Variants in INSR observed in about 807,000 individuals in gnomAD.
INSR encodes IR.
Under a neutral mutation model 142.6 loss-of-function variants are expected in INSR, and 67 were observed. The observed-to-expected ratio is 0.47, with a 90% CI of 0.39 to 0.58. INSR has a LOEUF of 0.58. INSR is among the 20% of genes least tolerant of loss of function. The probability of loss-of-function intolerance (pLI) is 0.00; values close to 1 mark genes in which losing one functional copy is unlikely to be tolerated. For synonymous variants in INSR, 756 were observed against 743.1 expected (o/e 1.02, Z -0.28); for missense variants, 1,248 against 1,833.2 (o/e 0.68, Z 5.83).
chr19:7,197,516 G>GTGGGGGTGTGTGTGTGTGTGTGTGTGT (rs1568480264), intron 2 of INSR, among the ~76,000 whole-genome samples: 5 of 70,924 alleles, frequency 7.0e-5, no homozygotes, highest in African/African-American at 2.4e-4. Context: ...TGGGAGTGGG[G>GTGGGGGTGTGTGTGTGTGTGTGTGTGT]GTGTGTGTGT....
chr19:7,128,736 C>T (rs761037481), intron 15 of INSR, 116 bp downstream of exon 15: 5 of 720,314 alleles, frequency 6.9e-6, no homozygotes, highest in African/African-American at 3.5e-5. Context: ...GCATGTTACA[C>T]ATCCTATATC....
chr19:7,184,807 CCA>C (rs1473477434), intron 2 of INSR, among the ~76,000 whole-genome samples, 170 bp from the exon 3 acceptor site: 1 of 122,636 alleles, frequency 8.2e-6, no homozygotes. Context: ...ACATCATTAC[CCA>C]CATGTCAGAC....
chr19:7,220,309 G>C (rs1443421042), intron 2 of INSR, among the ~76,000 whole-genome samples: 1 of 152,074 alleles, frequency 6.6e-6, no homozygotes, highest in Non-Finnish European at 1.5e-5. Flanking sequence ...TTTTATTTTT[G>C]AGATGGAGTC....
chr19:7,212,699 C>G (rs1975312638), intron 2 of INSR, among the ~76,000 whole-genome samples: 1 of 152,038 alleles, frequency 6.6e-6, no homozygotes. Context: ...GATTCTCCTG[C>G]CTCAGCCTCC....
chr19:7,238,810 A>G (rs376604237), intron 2 of INSR, among the ~76,000 whole-genome samples: 3 of 151,886 alleles, frequency 2.0e-5, no homozygotes, highest in African/African-American at 7.2e-5. Flanking sequence ...AATGGGCCCC[A>G]TGCTTCAATC....
At chr19:7,268,345 C>T (rs1048615482) in intron 1 of INSR, 5 of 774,368 alleles carry the variant, frequency 6.5e-6, no homozygotes, top group Non-Finnish European at 7.8e-6. Flanking sequence ...AATCCTCCCA[C>T]CTCGCTGGCT....
At chr19:7,271,473 C>A (rs528899307) in intron 1 of INSR, among the ~76,000 whole-genome samples, 1 of 151,974 alleles carries the variant, frequency 6.6e-6, no homozygotes, top group Non-Finnish European at 1.5e-5. Flanking sequence ...CCAGCCTGGG[C>A]GACAGAGCGA....
Position 7,184,523 on chromosome 19 carries a change from C to A in INSR, c.767G>T (p.Arg256Leu). 1.2e-6 allele frequency: 2 copies of A among 1,613,928 alleles called. No individual in the cohort carries two copies. Among genetic ancestry groups the A allele is most frequent in the Non-Finnish European group, 1.7e-6 (2 of 1,179,994 alleles). ...ACACCTGCCGTCCAGGTAGAAGTTG[C>A]GGCAGGCCACGCACTTGGTGGGGTC... is the stretch of plus-strand genomic sequence containing the variant. ...PDDPTKCVACRNFYLDGRCVE... is the reference protein window; with the variant it reads ...PDDPTKCVACLNFYLDGRCVE... Residue 256 changes from arginine to leucine, a missense_variant, in exon 3 of 22, where the codon CGC becomes CTC. Arg to Leu is a moderately radical substitution (Grantham distance 102). Transcript: ENST00000302850.
At chr19:7,258,997 A>C (rs574619850) in intron 2 of INSR, among the ~76,000 whole-genome samples, 135 of 73,412 alleles carry the variant, frequency 1.8e-3, no homozygotes, top group South Asian at 7.5e-3. Flanking sequence ...TCCTTCCTTC[A>C]CTCCTTCTTT....
Position 7,181,016 on chromosome 19 carries a change from C to T in INSR, c.974+3300G>A, listed in dbSNP as rs1018186526. Among the ~76,000 whole-genome samples the T allele has an allele frequency of 1.3e-4, 20 of 152,224 alleles. 1 individual carries two copies. Among genetic ancestry groups the T allele is most frequent in the African/African-American group, 2.9e-4 (12 of 41,544 alleles). On this transcript the variant is annotated intron_variant, in intron 3 of 21. Transcript: ENST00000302850. The stretch of plus-strand genomic sequence containing the variant: ...AGTGCAGTGGCACACTCTCGGCTCA[C>T]TGCGACCTCCACCTCCCGGGTTCAA...
At chr19:7,149,081 G>T (rs1973255988) in intron 11 of INSR, among the ~76,000 whole-genome samples, 1 of 152,086 alleles carries the variant, frequency 6.6e-6, no homozygotes, top group Admixed American at 6.6e-5. Flanking sequence ...CTAATTTCTT[G>T]TATTTTTAGT....
At chr19:7,126,555 G>A in intron 16 of INSR, 29 bp downstream of exon 16, 2 of 1,540,532 alleles carry the variant, frequency 1.3e-6, no homozygotes, top group South Asian at 2.4e-5. Flanking sequence ...TAGGGTTCTG[G>A]CCACCCACAG....
At chr19:7,174,544 C>T (rs771443988) in intron 4 of INSR, 39 bp downstream of exon 4, 11 of 1,611,674 alleles carry the variant, frequency 6.8e-6, no homozygotes, top group Middle Eastern at 1.6e-4. Context: ...GGACATGGAG[C>T]CCAACAGGCA....
At chr19:7,280,191 G>A (rs972943697) in intron 1 of INSR, among the ~76,000 whole-genome samples, 5 of 152,070 alleles carry the variant, frequency 3.3e-5, no homozygotes, top group Non-Finnish European at 7.4e-5. Context: ...GTGAACCCGG[G>A]AGGCGGAGCT....
intron 1 of INSR, among the ~76,000 whole-genome samples, chr19:7,286,246 G>A (rs1968342488): frequency 6.6e-6 from 1 of 151,892 alleles, no homozygotes; most frequent in South Asian, 2.1e-4. Context: ...GCCTCCCAAA[G>A]TGCTGGGATT....
chr19:7,277,658 G>T (rs1482630551), intron 1 of INSR, among the ~76,000 whole-genome samples: 1 of 152,044 alleles, frequency 6.6e-6, no homozygotes, highest in Non-Finnish European at 1.5e-5. Context: ...ATAGCCAGGC[G>T]TGGTGAGGCG....
chr19:7,211,910 A>G (rs982965205), intron 2 of INSR, among the ~76,000 whole-genome samples: 1 of 141,068 alleles, frequency 7.1e-6, no homozygotes, highest in Admixed American at 6.8e-5. Flanking sequence ...ATTCTCACGA[A>G]TTCAACACCT....
rs1433920641 is a variant in INSR, at chr19:7,116,944, G to C, written c.*112C>G. 5.7e-6 allele frequency: 5 copies of C among 870,038 alleles called. No individual in the cohort carries two copies. In the African/African-American group the frequency reaches 8.3e-5, roughly 14 times the overall value. The allele number at this position is 870,038 out of a possible 1,614,324, so 53.9% of individuals were successfully genotyped here. A position where few individuals can be genotyped will look rare whatever the true frequency, so the allele number is the denominator to read the frequency against. On this transcript the variant is annotated 3_prime_UTR_variant, in exon 22 of 22. Transcript: ENST00000302850. ...ACAGAAATGTATAGGAACGATCTCT[G>C]AACTCCATTGGACATGGTAGAGTCG...
At chr19:7,275,045 G>A (rs1410530999) in intron 1 of INSR, among the ~76,000 whole-genome samples, 2 of 151,402 alleles carry the variant, frequency 1.3e-5, no homozygotes, top group South Asian at 2.1e-4. Context: ...ACATGATCTC[G>A]GCTCACTGCA....
Sources: allele counts gnomAD v4.1 joint callset (sites outside exome capture counted in the v4.1 genomes callset), GRCh38; gene constraint gnomAD v4.1.1; transcripts MANE v1.5; gene names NCBI Gene and HGNC (gene_info 2026-07-23, HGNC 2026-07-21).